The following PTPN14 variants were observed in gnomAD, a reference collection of about 807,000 sequenced individuals.
PTPN14 encodes tyrosine-protein phosphatase non-receptor type 14.
Under a neutral mutation model 126.8 loss-of-function variants are expected in PTPN14, and 53 were observed. That is an observed-to-expected ratio of 0.42 (90% CI 0.34 to 0.53). The LOEUF (loss-of-function observed/expected upper bound fraction) is 0.53. Ranked by LOEUF, PTPN14 falls within the 20% of genes least tolerant of loss-of-function variation. The pLI, the probability that PTPN14 is intolerant of heterozygous loss-of-function variation, is 0.08. For missense variants in PTPN14, 1,257 were observed against 1,552.9 expected, an observed-to-expected ratio of 0.81 and a Z score of 3.20; for synonymous variants, 630 against 599.3, an observed-to-expected ratio of 1.05 and a Z score of -0.75.
chr1:214,374,901 T>C (rs938430625), intron 15 of PTPN14, among the ~76,000 whole-genome samples: 6 of 152,228 alleles, frequency 3.9e-5, no homozygotes, highest in Non-Finnish European at 8.8e-5. Flanking sequence ...AAGATTTTCA[T>C]AGACACTCTA....
chr1:214,518,793 TA>T (rs1655171470), intron 1 of PTPN14, among the ~76,000 whole-genome samples: 1 of 152,094 alleles, frequency 6.6e-6, no homozygotes, highest in African/African-American at 2.4e-5. Flanking sequence ...AAAAAAGAGG[TA>T]AAATTAAGTA....
At chr1:214,394,672 T>C (rs1317783387) in intron 9 of PTPN14, among the ~76,000 whole-genome samples, 1 of 152,186 alleles carries the variant, frequency 6.6e-6, no homozygotes, top group Non-Finnish European at 1.5e-5. Context: ...CCTCCCAAAG[T>C]GTTGGGATTA....
chr1:214,511,262 G>T (rs1401098281), intron 1 of PTPN14, among the ~76,000 whole-genome samples: 3 of 152,054 alleles, frequency 2.0e-5, no homozygotes, highest in Admixed American at 6.5e-5. Context: ...ACCTTGAGAA[G>T]ACTTTCCCGT....
At chr1:214,468,472 C>T (rs1660687875) in intron 1 of PTPN14, among the ~76,000 whole-genome samples, 1 of 152,082 alleles carries the variant, frequency 6.6e-6, no homozygotes, top group Non-Finnish European at 1.5e-5. Context: ...AGGAGAATCA[C>T]CTGAACCCAG....
chr1:214,491,963 A>T (rs1164604132), intron 1 of PTPN14, among the ~76,000 whole-genome samples: 1 of 152,168 alleles, frequency 6.6e-6, no homozygotes, highest in African/African-American at 2.4e-5. Context: ...CAGCACTTAC[A>T]GTCACATCTA....
At position 214,351,004 on chromosome 1, in the gene PTPN14, G is replaced by A. The variant is rs1037723659; in HGVS notation, c.*6918C>T. On this transcript the variant is annotated 3_prime_UTR_variant, in exon 19 of 19. Transcript: ENST00000366956. ...TCTTACATCTGGGTTGCACTCATAG[G>A]GTAGGTAAAGAAAAGAAAAAGTGTA... is the stretch of plus-strand genomic sequence containing the variant. 6.6e-6 allele frequency: 1 copy of A among 151,880 alleles called. No homozygotes were observed. The highest frequency in any genetic ancestry group is 2.4e-5 in the African/African-American group (1 of 41,372). 9.4% of individuals were successfully genotyped at this position (151,880 alleles called of 1,614,324 possible). A position where few individuals can be genotyped will look rare whatever the true frequency, so the allele number is the denominator to read the frequency against.
intron 1 of PTPN14, among the ~76,000 whole-genome samples, chr1:214,511,885 T>C (rs1401834938): frequency 1.3e-5 from 2 of 152,020 alleles, no homozygotes; most frequent in Admixed American, 1.3e-4. Flanking sequence ...TTATGCTGAG[T>C]GGATTAAGTG....
intron 9 of PTPN14, 136 bp from the exon 10 acceptor site, chr1:214,393,913 G>T: frequency 1.4e-6 from 1 of 701,840 alleles, no homozygotes; most frequent in Non-Finnish European, 2.4e-6. Flanking sequence ...GGGCCAGCAA[G>T]GTAAACCAGC....
intron 11 of PTPN14, among the ~76,000 whole-genome samples, chr1:214,390,145 T>G (rs1490207373): frequency 1.3e-5 from 2 of 152,228 alleles, no homozygotes; most frequent in Non-Finnish European, 2.9e-5. Flanking sequence ...AAAGAATTGT[T>G]GATCTAGAGA....
chr1:214,482,092 A>G (rs1260055507), intron 1 of PTPN14, among the ~76,000 whole-genome samples: 1 of 152,202 alleles, frequency 6.6e-6, no homozygotes, highest in Non-Finnish European at 1.5e-5. Flanking sequence ...ACACAAAAAA[A>G]GTAATGGTGC....
intron 3 of PTPN14, among the ~76,000 whole-genome samples, chr1:214,437,681 C>A (rs188766911): frequency 6.6e-6 from 1 of 152,098 alleles, no homozygotes; most frequent in African/African-American, 2.4e-5. Context: ...CAGGAAGACG[C>A]CCACAATTTT....
chr1:214,546,763 C>T (rs1655980215), intron 1 of PTPN14, among the ~76,000 whole-genome samples: 2 of 152,068 alleles, frequency 1.3e-5, no homozygotes, highest in South Asian at 4.1e-4. Flanking sequence ...AACTAATTGA[C>T]GAGGCTCAAG....
At chr1:214,482,280 C>A in intron 1 of PTPN14, among the ~76,000 whole-genome samples, 1 of 83,794 alleles carries the variant, frequency 1.2e-5, no homozygotes, top group Admixed American at 1.2e-4. Flanking sequence ...AAAATTATTG[C>A]TAAAGTAGAT....
chr1:214,437,377 T>C (rs1359303768), intron 3 of PTPN14, among the ~76,000 whole-genome samples: 3 of 152,146 alleles, frequency 2.0e-5, no homozygotes, highest in Non-Finnish European at 2.9e-5. Flanking sequence ...TTTAGGGTCC[T>C]AGAGTAGTAT....
Position 214,361,234 on chromosome 1 carries a change from GCT to G in PTPN14, c.3436-3186_3436-3185del, listed in dbSNP as rs1657948583. 2.0e-5 allele frequency among the ~76,000 whole-genome samples: 3 copies of G among 152,152 alleles called. 1 individual carries two copies. In the South Asian group the frequency reaches 6.2e-4, roughly 31 times the overall value. ...AGGCTACTTGTGTTAATACTATCAGGCTCTTAGAATAGTGCGTATACATGGTA... is the reference window on the plus strand; with the variant it reads ...AGGCTACTTGTGTTAATACTATCAGGCTTAGAATAGTGCGTATACATGGTA... On this transcript the variant is annotated intron_variant, in intron 18 of 18. Transcript: ENST00000366956.
Position 214,433,951 on chromosome 1 carries a change from CAAAAAAAA to C in PTPN14, c.344+17846_344+17853del, listed in dbSNP as rs1158472144. Reference sequence around the variant, plus strand: ...ACACACACACACACACACACACACACAAAAAAAAAAAAAAAAAAAAACTCAAAAAATTT... The same window carrying C: ...ACACACACACACACACACACACACACAAAAAAAAAAAAACTCAAAAAATTT... On this transcript the variant is annotated intron_variant, in intron 3 of 18. Transcript: ENST00000366956. Among the ~76,000 whole-genome samples the C allele has an allele frequency of 7.2e-4, 71 of 98,566 alleles. 1 individual carries two copies. Among genetic ancestry groups the C allele is most frequent in the East Asian group, 2.9e-3 (8 of 2,788 alleles). The allele number at this position is 98,566 out of a possible 152,430, so 64.7% of individuals were successfully genotyped here.
Position 214,497,103 on chromosome 1 carries a change from C to T in PTPN14, c.-154-32146G>A, listed in dbSNP as rs191366465. Among the ~76,000 whole-genome samples, 6 of 151,758 alleles carry T rather than the reference C, an allele frequency of 4.0e-5. No homozygotes were observed. The East Asian group carries it at 1.2e-3, about 29-fold the overall frequency. ...AACAACCTGGTCTCCAGAAATTGAG[C>T]TCTATTGGGGCAGCGGTGGGGGGTC... On this transcript the variant is annotated intron_variant, in intron 1 of 18. Coordinates refer to ENST00000366956, the MANE Select transcript of PTPN14 (RefSeq NM_005401.5).
At chr1:214,421,419 T>C (rs573780526) in intron 3 of PTPN14, among the ~76,000 whole-genome samples, 1 of 152,306 alleles carries the variant, frequency 6.6e-6, no homozygotes, top group South Asian at 2.1e-4. Flanking sequence ...GAATGCCTGC[T>C]AACATTTTGA....
chr1:214,420,605 A>T (rs1271535009), intron 3 of PTPN14, among the ~76,000 whole-genome samples: 1 of 152,248 alleles, frequency 6.6e-6, no homozygotes, highest in African/African-American at 2.4e-5. Context: ...ATTAATTATA[A>T]CAAATTACAG....
Sources: gnomAD v4.1 joint callset for allele counts (sites outside exome capture counted in the v4.1 genomes callset) on GRCh38, gnomAD v4.1.1 for gene constraint, MANE v1.5 for transcripts, NCBI Gene and HGNC (gene_info 2026-07-23, HGNC 2026-07-21) for gene names.